The following SMC1B variants were observed in gnomAD, a reference collection of about 807,000 sequenced individuals.
SMC1B encodes the protein structural maintenance of chromosomes protein 1B.
Under a neutral mutation model 157.9 loss-of-function variants are expected in SMC1B, and 60 were observed. That is an observed-to-expected ratio of 0.38 (90% CI 0.31 to 0.47). SMC1B has a LOEUF of 0.47. SMC1B is among the 20% of genes least tolerant of loss of function. The pLI, the probability that SMC1B is intolerant of heterozygous loss-of-function variation, is 0.99. For missense variants in SMC1B, 1,165 were observed against 1,426.2 expected, an observed-to-expected ratio of 0.82 and a Z score of 2.95; for synonymous variants, 445 against 483.0, an observed-to-expected ratio of 0.92 and a Z score of 1.03.
At chr22:45,389,965 C>T in intron 9 of SMC1B, 68 bp from the exon 10 acceptor site, 1 of 1,324,944 alleles carries the variant, frequency 7.5e-7, no homozygotes, top group Non-Finnish European at 1.0e-6. Context: ...TCATTATTTT[C>T]TAATGTAACA....
At chr22:45,372,128 A>T in intron 13 of SMC1B, 27 bp downstream of exon 13, 2 of 1,561,238 alleles carry the variant, frequency 1.3e-6, no homozygotes, top group East Asian at 2.3e-5. Flanking sequence ...TCAAATGCCT[A>T]TCATATTTTA....
chr22:45,387,091 A>T, intron 10 of SMC1B, 45 bp from the exon 11 acceptor site: 2 of 1,456,110 alleles, frequency 1.4e-6, no homozygotes, highest in African/African-American at 2.9e-5. Flanking sequence ...CACTGAAATA[A>T]AAACCAAATG....
chr22:45,409,601 T>TA (rs2087306126), intron 1 of SMC1B, among the ~76,000 whole-genome samples: 1 of 83,648 alleles, frequency 1.2e-5, no homozygotes, highest in African/African-American at 9.1e-5. Context: ...AATAAATAAA[T>TA]AAATAAATAA....
At chr22:45,401,177 GGA>G (rs2087188480) in intron 5 of SMC1B, among the ~76,000 whole-genome samples, 1 of 152,162 alleles carries the variant, frequency 6.6e-6, no homozygotes, top group Non-Finnish European at 1.5e-5. Context: ...ATTAATAATA[GGA>G]GAAACTGAGT....
intron 11 of SMC1B, 42 bp from the exon 12 acceptor site, chr22:45,383,655 A>T: frequency 6.6e-7 from 1 of 1,518,106 alleles, no homozygotes; most frequent in Non-Finnish European, 8.8e-7. Flanking sequence ...AATGTACATA[A>T]AGATACAAAT....
At chr22:45,413,237 CG>C (rs1339809828) in intron 1 of SMC1B, among the ~76,000 whole-genome samples, 5 of 150,286 alleles carry the variant, frequency 3.3e-5, no homozygotes. Flanking sequence ...GGACAAGGGT[CG>C]GGACCCCTGA....
Position 45,384,752 on chromosome 22 carries a change from T to C in SMC1B, c.1912-1139A>G, listed in dbSNP as rs143899187. 1.1e-4 allele frequency among the ~76,000 whole-genome samples: 16 copies of C among 151,876 alleles called. No individual in the cohort carries two copies. The East Asian group carries it at 1.9e-3, about 18-fold the overall frequency. Reference sequence around the variant, plus strand: ...AAAAAAGAAAAGAAAAAATTTCCCATGGTTTCTCTTAGAAATTTTATGGTT... The same window carrying C: ...AAAAAAGAAAAGAAAAAATTTCCCACGGTTTCTCTTAGAAATTTTATGGTT... On this transcript the variant is annotated intron_variant, in intron 11 of 24. Transcript: ENST00000357450.
chr22:45,395,950 C>T (rs1215214719), intron 7 of SMC1B, among the ~76,000 whole-genome samples: 1 of 152,086 alleles, frequency 6.6e-6, no homozygotes, highest in Non-Finnish European at 1.5e-5. Context: ...GAAGGCTTTG[C>T]GGTGTTGGTA....
chr22:45,402,290 C>A, intron 5 of SMC1B, 43 bp downstream of exon 5: 1 of 1,281,518 alleles, frequency 7.8e-7, no homozygotes, highest in South Asian at 1.3e-5. Context: ...CTCTATCAAG[C>A]TACATATAAC....
intron 15 of SMC1B, among the ~76,000 whole-genome samples, chr22:45,368,661 C>T (rs956842841): frequency 2.6e-5 from 4 of 151,986 alleles, no homozygotes; most frequent in African/African-American, 9.7e-5. Flanking sequence ...GGATTACAGG[C>T]ACCCACCACC....
At chr22:45,349,306 G>A (rs2086585155) in intron 23 of SMC1B, among the ~76,000 whole-genome samples, 2 of 142,372 alleles carry the variant, frequency 1.4e-5, no homozygotes, top group South Asian at 4.5e-4. Flanking sequence ...TGAGCCACGG[G>A]TGCCTGGCCA....
At chr22:45,413,062 G>A (rs960173552) in intron 1 of SMC1B, among the ~76,000 whole-genome samples, 9 of 152,128 alleles carry the variant, frequency 5.9e-5, no homozygotes, top group Non-Finnish European at 8.8e-5. Flanking sequence ...CAGGGTGGGG[G>A]GCGAGGGTTG....
At chr22:45,407,236 A>G (rs1363068401) in intron 2 of SMC1B, among the ~76,000 whole-genome samples, 2 of 152,188 alleles carry the variant, frequency 1.3e-5, no homozygotes, top group African/African-American at 2.4e-5. Flanking sequence ...GTAAAGATTG[A>G]AAAACAACAA....
intron 15 of SMC1B, among the ~76,000 whole-genome samples, chr22:45,365,225 C>A (rs1490774626): frequency 6.6e-6 from 1 of 152,074 alleles, no homozygotes; most frequent in Non-Finnish European, 1.5e-5. Context: ...ACGGACATTC[C>A]CAAAATTTAT....
intron 2 of SMC1B, among the ~76,000 whole-genome samples, chr22:45,407,654 T>G (rs5765331): frequency 0.62 from 93,226 of 151,484 alleles, 30,926 homozygotes; most frequent in African/African-American, 0.87. Context: ...TCACCACGTT[T>G]CCCAGGCTGG....
At chr22:45,345,424 T>G (rs1462861344) in intron 24 of SMC1B, 35 bp downstream of exon 24, 1 of 1,400,532 alleles carries the variant, frequency 7.1e-7, no homozygotes, top group Non-Finnish European at 1.0e-6. Context: ...AAGTTGGCAT[T>G]GGGTACACTC....
At position 45,349,786 on chromosome 22, in the gene SMC1B, G is replaced by A; in HGVS notation, c.3437C>T (p.Ala1146Val). The A allele has an allele frequency of 1.2e-6, 2 of 1,610,060 alleles. No individual in the cohort carries two copies. Among genetic ancestry groups the A allele is most frequent in the Non-Finnish European group, 1.7e-6 (2 of 1,178,808 alleles). The change falls in exon 23 of 25, where the codon GCC (alanine) becomes GTC (valine). Residue 1146 changes from alanine (A) to valine (V), a missense_variant. Coordinates refer to ENST00000357450, the MANE Select transcript of SMC1B (RefSeq NM_148674.5). ...LLFAVHSFRP[A>V]PFFVLDEVDA... ...CACTTCATCTAAAACAAAGAATGGG[G>A]CAGGACGAAAACTAGAAAAAAATTA...
intron 9 of SMC1B, among the ~76,000 whole-genome samples, chr22:45,390,890 T>C (rs924886339): frequency 6.6e-6 from 1 of 152,200 alleles, no homozygotes; most frequent in South Asian, 2.1e-4. Flanking sequence ...TTTGGACTCT[T>C]TCCTCCGTTT....
chr22:45,411,604 G>C (rs1288759334), intron 1 of SMC1B, among the ~76,000 whole-genome samples: 1 of 152,160 alleles, frequency 6.6e-6, no homozygotes, highest in Non-Finnish European at 1.5e-5. Context: ...TTATTTTTGA[G>C]ATGCAGTCTT....
Sources: allele counts gnomAD v4.1 joint callset (sites outside exome capture counted in the v4.1 genomes callset), GRCh38; gene constraint gnomAD v4.1.1; transcripts MANE v1.5; gene names NCBI Gene and HGNC (gene_info 2026-07-23, HGNC 2026-07-21).